XCR1: variants seen among roughly 807,000 people sequenced by gnomAD.
The protein encoded by XCR1 is chemokine XC receptor 1.
For synonymous variants in XCR1, 187 were observed against 188.5 expected, an observed-to-expected ratio of 0.99 and a Z score of 0.06; for missense variants, 356 against 424.2, an observed-to-expected ratio of 0.84 and a Z score of 1.41.
intron 1 of XCR1, among the ~76,000 whole-genome samples, chr3:46,025,560 T>C (rs1363383142): frequency 2.6e-5 from 4 of 152,172 alleles, no homozygotes; most frequent in Non-Finnish European, 4.4e-5. Context: ...TGTTAAAAAA[T>C]CCAACAACTT....
intron 2 of XCR1, among the ~76,000 whole-genome samples, chr3:46,074,859 C>G (rs1698231479): frequency 6.6e-6 from 1 of 152,106 alleles, no homozygotes; most frequent in South Asian, 2.1e-4. Context: ...ACTCTACACA[C>G]ATAAAACTTG....
intron 3 of XCR1, among the ~76,000 whole-genome samples, chr3:46,070,898 C>T (rs1228522954): frequency 2.6e-5 from 4 of 151,794 alleles, no homozygotes; most frequent in Non-Finnish European, 4.4e-5. Flanking sequence ...TGTCATGTTG[C>T]CATTTGATTC....
chr3:46,044,897 G>A (rs1455130532), intron 5 of XCR1, among the ~76,000 whole-genome samples: 1 of 152,016 alleles, frequency 6.6e-6, no homozygotes, highest in Non-Finnish European at 1.5e-5. Flanking sequence ...GGTGACAGAG[G>A]GAGACACTAC....
At chr3:46,045,527 T>C (rs1169660002) in intron 5 of XCR1, among the ~76,000 whole-genome samples, 4 of 152,080 alleles carry the variant, frequency 2.6e-5, no homozygotes, top group South Asian at 2.1e-4. Flanking sequence ...TATGATCATA[T>C]CAATATAGAT....
At chr3:46,044,468 C>G (rs1321354322) in intron 5 of XCR1, among the ~76,000 whole-genome samples, 1 of 151,966 alleles carries the variant, frequency 6.6e-6, no homozygotes, top group Non-Finnish European at 1.5e-5. Context: ...TTAATATACT[C>G]TGGTATTATG....
intron 5 of XCR1, among the ~76,000 whole-genome samples, chr3:46,041,279 C>T (rs189746704): frequency 1.6e-3 from 247 of 152,210 alleles, no homozygotes; most frequent in Middle Eastern, 6.8e-3. Flanking sequence ...AATGGCCTTG[C>T]GAGAGGTTCC....
chr3:46,076,329 T>C (rs186886343), intron 2 of XCR1, among the ~76,000 whole-genome samples: 3 of 152,186 alleles, frequency 2.0e-5, no homozygotes, highest in East Asian at 1.9e-4. Flanking sequence ...TTGAGAGAAA[T>C]TGTTGAATGT....
chr3:46,023,101 C>T (rs1314667866), intron 1 of XCR1, among the ~76,000 whole-genome samples: 9 of 152,300 alleles, frequency 5.9e-5, no homozygotes, highest in Admixed American at 3.9e-4. Context: ...AACACCAGCG[C>T]GTGTGACGTC....
chr3:46,058,835 G>A (rs748611547), intron 4 of XCR1, among the ~76,000 whole-genome samples: 1 of 152,188 alleles, frequency 6.6e-6, no homozygotes, highest in Admixed American at 6.5e-5. Context: ...AAAGTGCTGG[G>A]ATTACAAGTG....
At chr3:46,074,540 T>G (rs72889749) in intron 3 of XCR1, among the ~76,000 whole-genome samples, 14,864 of 151,984 alleles carry the variant, frequency 0.098, 2,401 homozygotes, top group African/African-American at 0.34. Flanking sequence ...GGGTGATAGA[T>G]ACACTAGAAG....
intron 5 of XCR1, among the ~76,000 whole-genome samples, chr3:46,032,538 G>A (rs1164425056): frequency 6.6e-6 from 1 of 152,200 alleles, no homozygotes; most frequent in African/African-American, 2.4e-5. Context: ...CTGGTAGTGT[G>A]AGCCTAGTGC....
chr3:46,054,333 G>A (rs939024226), intron 4 of XCR1, among the ~76,000 whole-genome samples: 1 of 152,132 alleles, frequency 6.6e-6, no homozygotes, highest in African/African-American at 2.4e-5. Flanking sequence ...GGAAGCGATT[G>A]CCCTCAGCAA....
At chr3:46,063,470 G>C (rs916757844) in intron 4 of XCR1, among the ~76,000 whole-genome samples, 9 of 152,148 alleles carry the variant, frequency 5.9e-5, no homozygotes, top group African/African-American at 2.2e-4. Flanking sequence ...CCCGACCCCT[G>C]AGTTCCCCTG....
chr3:46,066,496 G>T (rs1698078198), intron 4 of XCR1, among the ~76,000 whole-genome samples: 1 of 152,140 alleles, frequency 6.6e-6, no homozygotes, highest in South Asian at 2.1e-4. Flanking sequence ...ACCCACTTGG[G>T]CCTCCCAAAG....
intron 5 of XCR1, among the ~76,000 whole-genome samples, chr3:46,034,222 T>C (rs1697374979): frequency 6.6e-6 from 1 of 152,228 alleles, no homozygotes; most frequent in South Asian, 2.1e-4. Flanking sequence ...TCCACCCTAC[T>C]TGGCCTCCCA....
intron 1 of XCR1, chr3:46,023,287 C>G (rs963664398): frequency 1.3e-6 from 1 of 780,934 alleles, no homozygotes; most frequent in African/African-American, 1.7e-5. Flanking sequence ...CCTAAGGCTG[C>G]TGCTGTCTAT....
At chr3:46,054,261 T>C (rs1697809691) in intron 4 of XCR1, among the ~76,000 whole-genome samples, 1 of 151,786 alleles carries the variant, frequency 6.6e-6, no homozygotes, top group Non-Finnish European at 1.5e-5. Context: ...TGGTCCAGAG[T>C]AGGCTTGCAA....
upstream of XCR1, among the ~76,000 whole-genome samples, chr3:46,031,192 T>C (rs1708388019): frequency 6.6e-6 from 1 of 152,186 alleles, no homozygotes; most frequent in South Asian, 2.1e-4. Flanking sequence ...TCTTGGGAGC[T>C]AGGAACAGGC....
intron 5 of XCR1, among the ~76,000 whole-genome samples, chr3:46,046,534 A>C (rs1472990263): frequency 1.3e-5 from 2 of 152,212 alleles, no homozygotes; most frequent in Non-Finnish European, 2.9e-5. Flanking sequence ...TATAGCCTCC[A>C]GTGGAATGCT....
Sources: allele counts gnomAD v4.1 joint callset (sites outside exome capture counted in the v4.1 genomes callset), GRCh38; gene constraint gnomAD v4.1.1; transcripts MANE v1.5; gene names NCBI Gene and HGNC (gene_info 2026-07-23, HGNC 2026-07-21).